The following CCDC18 variants were observed in gnomAD, a reference collection of about 807,000 sequenced individuals.
The protein encoded by CCDC18 is coiled-coil domain containing 18.
A neutral mutation model predicts 196.0 loss-of-function variants in CCDC18; 157 were observed. The observed-to-expected ratio is 0.80, with a 90% CI of 0.70 to 0.91. The LOEUF is 0.91. Among genes scored for constraint, CCDC18 ranks in the 40% least tolerant of loss-of-function variants. The probability of loss-of-function intolerance (pLI) is 0.00; values close to 1 mark genes in which losing one functional copy is unlikely to be tolerated. For synonymous variants in CCDC18, 482 were observed against 529.2 expected (o/e 0.91, Z 1.22); for missense variants, 1,465 against 1,611.6 (o/e 0.91, Z 1.56).
chr1:93,250,394 AAAAG>A (rs1662080763), intron 23 of CCDC18, among the ~76,000 whole-genome samples: 11 of 151,628 alleles, frequency 7.3e-5, no homozygotes, highest in African/African-American at 2.4e-4. Context: ...AAAAAAAAAA[AAAAG>A]AAAAGAGAGA....
chr1:93,244,280 A>G (rs192327613), intron 21 of CCDC18, among the ~76,000 whole-genome samples: 2 of 152,312 alleles, frequency 1.3e-5, no homozygotes, highest in East Asian at 1.9e-4. Flanking sequence ...CCATGATTCA[A>G]TTACCTCCCA....
intron 26 of CCDC18, 43 bp downstream of exon 26, chr1:93,258,928 A>G: frequency 1.3e-6 from 2 of 1,531,680 alleles, no homozygotes; most frequent in East Asian, 2.4e-5. Flanking sequence ...CCACTAAAGT[A>G]GGTTGACCTA....
At position 93,278,707 on chromosome 1, in the gene CCDC18, T is replaced by C; in HGVS notation, c.*230T>C. 1 of 334,730 alleles carries C rather than the reference T, an allele frequency of 3.0e-6. No individual in the cohort carries two copies. The highest frequency in any genetic ancestry group is 5.3e-6 in the Non-Finnish European group (1 of 188,978). 20.7% of individuals were successfully genotyped at this position (334,730 alleles called of 1,614,324 possible). On this transcript the variant is annotated 3_prime_UTR_variant, in exon 29 of 29. Transcript: ENST00000690025. ...ACTTGCTGCTTTCTTTTGCTTTTTA[T>C]ATAAAAATCATTGTTAAAATGCATA...
intron 14 of CCDC18, 122 bp downstream of exon 14, chr1:93,217,991 AT>A: frequency 1.4e-6 from 1 of 725,836 alleles, no homozygotes; most frequent in Non-Finnish European, 2.3e-6. Context: ...AAGAGCTGTA[AT>A]TAGAATCCCA....
chr1:93,276,291 T>C (rs1316575977), intron 28 of CCDC18, among the ~76,000 whole-genome samples: 3 of 152,202 alleles, frequency 2.0e-5, no homozygotes, highest in Non-Finnish European at 2.9e-5. Flanking sequence ...AACACTGAAG[T>C]ATTCTGCTTT....
chr1:93,199,793 C>T (rs1218905103), intron 6 of CCDC18: 1 of 152,506 alleles, frequency 6.6e-6, no homozygotes, highest in African/African-American at 2.4e-5. Context: ...CATTTGCGTT[C>T]TGGTACATGT....
Position 93,270,824 on chromosome 1 carries a change from T to A in CCDC18, c.4353+10T>A. ...TGCTGGTTTAAATCAGGTATGTATT[T>A]TATACACTGTAAACTGTAATAATTT... On this transcript the variant is annotated intron_variant, in intron 28 of 28. Transcript: ENST00000690025. 1 of 1,484,610 alleles carries A rather than the reference T, an allele frequency of 6.7e-7. No individual in the cohort carries two copies. Among genetic ancestry groups the A allele is most frequent in the Non-Finnish European group, 9.0e-7 (1 of 1,113,992 alleles). 92.0% of individuals were successfully genotyped at this position (1,484,610 alleles called of 1,614,324 possible). A position where few individuals can be genotyped will look rare whatever the true frequency, so the allele number is the denominator to read the frequency against.
At chr1:93,228,510 A>T in intron 17 of CCDC18, among the ~76,000 whole-genome samples, 1 of 150,888 alleles carries the variant, frequency 6.6e-6, no homozygotes. Context: ...AGAAGTTTAA[A>T]AAAAAAAAAA....
In CCDC18 at chr1:93,221,935, A is replaced by G; in HGVS notation, c.2174A>G (p.Lys725Arg). The change falls in exon 16 of 29, where the codon AAG (lysine) becomes AGG (arginine). Residue 725 changes from lysine (K) to arginine (R), a missense_variant and splice_region_variant. Lys to Arg is a conservative substitution (Grantham distance 26). Transcript: ENST00000690025. ...AACCAAGTATCTGAAGAAACAATCA[A>G]GGCTAGTATGCTAATACTTTATTTT... ...LQNQVSEETIKVRQLDSALEI... is the reference protein window; with the variant it reads ...LQNQVSEETIRVRQLDSALEI... 1 of 1,560,646 alleles carries G rather than the reference A, an allele frequency of 6.4e-7. No homozygotes were observed. The highest frequency in any genetic ancestry group is 1.2e-5 in the South Asian group (1 of 85,514).
At chr1:93,248,500 C>T (rs991968130) in intron 23 of CCDC18, among the ~76,000 whole-genome samples, 1 of 152,068 alleles carries the variant, frequency 6.6e-6, no homozygotes, top group Admixed American at 6.5e-5. Flanking sequence ...TCTTGGCATC[C>T]CTGGGATGAA....
chr1:93,226,867 A>G (rs936582550), intron 17 of CCDC18, among the ~76,000 whole-genome samples: 1 of 152,146 alleles, frequency 6.6e-6, no homozygotes, highest in Non-Finnish European at 1.5e-5. Flanking sequence ...GATATAAAAA[A>G]GTATTTCCAA....
intron 25 of CCDC18, among the ~76,000 whole-genome samples, chr1:93,257,749 G>GTA (rs1663207553): frequency 6.6e-6 from 1 of 152,048 alleles, no homozygotes; most frequent in Non-Finnish European, 1.5e-5. Flanking sequence ...TAGTGTCAAA[G>GTA]TATAGTACAA....
intron 11 of CCDC18, among the ~76,000 whole-genome samples, chr1:93,213,598 T>C (rs958891805): frequency 3.3e-5 from 5 of 152,194 alleles, no homozygotes; most frequent in African/African-American, 1.2e-4. Flanking sequence ...AATAGTTATC[T>C]CTTGTGATTT....
chr1:93,220,446 G>C (rs762262849), intron 14 of CCDC18, among the ~76,000 whole-genome samples: 2 of 147,262 alleles, frequency 1.4e-5, no homozygotes, highest in Non-Finnish European at 2.9e-5. Flanking sequence ...AATAAAGGAA[G>C]AACAACAAAA....
intron 4 of CCDC18, 50 bp downstream of exon 4, chr1:93,186,553 G>T (rs765851354): frequency 1.8e-5 from 26 of 1,472,892 alleles, no homozygotes; most frequent in Non-Finnish European, 2.4e-5. Context: ...GTTATTTTAA[G>T]ATTTATAATT....
At chr1:93,226,587 A>G in intron 17 of CCDC18, 138 bp downstream of exon 17, 1 of 300,226 alleles carries the variant, frequency 3.3e-6, no homozygotes, top group East Asian at 7.3e-5. Context: ...AGGCTGGAGT[A>G]CAGTGTCGCA....
At chr1:93,259,719 GCAA>G (rs1357366642) in intron 26 of CCDC18, among the ~76,000 whole-genome samples, 2 of 152,170 alleles carry the variant, frequency 1.3e-5, no homozygotes, top group Non-Finnish European at 2.9e-5. Flanking sequence ...CTAAGAATTT[GCAA>G]CCTTTGATCT....
intron 7 of CCDC18, among the ~76,000 whole-genome samples, chr1:93,202,682 GATGGGTGTTCATTTATTAAAC>G (rs1654028776): frequency 1.3e-5 from 2 of 152,300 alleles, no homozygotes; most frequent in South Asian, 4.1e-4. Context: ...AGAGTAAGAA[GATGGGTGTTCATTTATTAAAC>G]AATCATGAAA....
intron 10 of CCDC18, 36 bp downstream of exon 10, chr1:93,210,962 A>G (rs1158658662): frequency 6.2e-7 from 1 of 1,609,200 alleles, no homozygotes; most frequent in Non-Finnish European, 8.5e-7. Flanking sequence ...TAGCAAATAG[A>G]ATGTTTTTTA....
Sources: gnomAD v4.1 joint callset for allele counts (sites outside exome capture counted in the v4.1 genomes callset) on GRCh38, gnomAD v4.1.1 for gene constraint, MANE v1.5 for transcripts, NCBI Gene and HGNC (gene_info 2026-07-23, HGNC 2026-07-21) for gene names.